Variants in SCEL observed in about 807,000 individuals in gnomAD.
The protein encoded by SCEL is sciellin.
In SCEL, 113 loss-of-function variants were observed where a neutral mutation model predicts 117.6. The observed-to-expected ratio is 0.96, with a 90% CI of 0.83 to 1.12. The LOEUF (loss-of-function observed/expected upper bound fraction) is 1.12, where lower values mean the gene tolerates loss of function less well. SCEL is among the 50% of genes most tolerant of loss of function. The probability of loss-of-function intolerance (pLI) is 0.00; values close to 1 mark genes in which losing one functional copy is unlikely to be tolerated. For synonymous variants in SCEL, 270 were observed against 256.2 expected (o/e 1.05, Z -0.51); for missense variants, 785 against 810.8 (o/e 0.97, Z 0.39).
chr13:77,581,592 A>G (rs775313381), intron 9 of SCEL, among the ~76,000 whole-genome samples: 11 of 152,234 alleles, frequency 7.2e-5, no homozygotes, highest in Non-Finnish European at 1.6e-4. Context: ...CTCTAGGTTC[A>G]AAAGTAGGAT....
At chr13:77,572,801 T>G (rs746313315) in intron 9 of SCEL, among the ~76,000 whole-genome samples, 8 of 152,316 alleles carry the variant, frequency 5.3e-5, no homozygotes, top group Admixed American at 4.6e-4. Context: ...ATGACCCTAT[T>G]TCTAAGCAAG....
At position 77,639,648 on chromosome 13, in the gene SCEL, G is replaced by A. The variant is rs2090467060; in HGVS notation, c.1839-1028G>A. Among the ~76,000 whole-genome samples, 4 of 152,190 alleles carry A rather than the reference G, an allele frequency of 2.6e-5. No individual in the cohort carries two copies. The South Asian group carries it at 8.3e-4, about 32-fold the overall frequency. Reference sequence around the variant, plus strand: ...ATAGTAGCAGGTTTCTTATCCTTCTGTACCTGTTTCTTTTTTAATAAAATG... The same window carrying A: ...ATAGTAGCAGGTTTCTTATCCTTCTATACCTGTTTCTTTTTTAATAAAATG... On this transcript the variant is annotated intron_variant, in intron 30 of 32. Transcript: ENST00000349847.
intron 15 of SCEL, among the ~76,000 whole-genome samples, chr13:77,601,166 G>A (rs978467493): frequency 6.6e-6 from 1 of 150,864 alleles, no homozygotes; most frequent in Non-Finnish European, 1.5e-5. Flanking sequence ...AATAGATGAG[G>A]TTCCAGATAT....
chr13:77,621,468 G>GC (rs1259899274), intron 27 of SCEL, among the ~76,000 whole-genome samples: 4 of 152,104 alleles, frequency 2.6e-5, no homozygotes, highest in Non-Finnish European at 4.4e-5. Flanking sequence ...GCTCTGGGAA[G>GC]CCCCCCTGAC....
intron 28 of SCEL, among the ~76,000 whole-genome samples, 161 bp downstream of exon 28, chr13:77,628,170 G>GTATATATATA (rs67297453): frequency 1.5e-3 from 206 of 139,734 alleles, no homozygotes; most frequent in African/African-American, 4.9e-3. Context: ...ATATGTGTGT[G>GTATATATATA]TATATATATA....
chr13:77,599,875 G>A, intron 15 of SCEL, 127 bp downstream of exon 15: 6 of 687,086 alleles, frequency 8.7e-6, no homozygotes, highest in Admixed American at 2.3e-5. Context: ...TGGGGTCCAG[G>A]GATAGTGTGT....
At chr13:77,612,666 G>A (rs2088747945) in intron 22 of SCEL, among the ~76,000 whole-genome samples, 1 of 150,846 alleles carries the variant, frequency 6.6e-6, no homozygotes, top group Non-Finnish European at 1.5e-5. Flanking sequence ...TCTGCTTTGA[G>A]GTTAACGTGA....
intron 27 of SCEL, 90 bp downstream of exon 27, chr13:77,618,150 C>T: frequency 1.1e-6 from 1 of 919,362 alleles, no homozygotes; most frequent in East Asian, 2.4e-5. Context: ...CCCTCCCTTC[C>T]TCCCTTACTC....
chr13:77,571,924 A>G (rs2085657084), intron 8 of SCEL, among the ~76,000 whole-genome samples, 200 bp from the exon 9 acceptor site: 1 of 152,204 alleles, frequency 6.6e-6, no homozygotes, highest in South Asian at 2.1e-4. Context: ...AAAGGAAATG[A>G]GAAAAGAGGT....
At chr13:77,606,856 G>A (rs967926606) in intron 19 of SCEL, among the ~76,000 whole-genome samples, 1 of 152,048 alleles carries the variant, frequency 6.6e-6, no homozygotes, top group African/African-American at 2.4e-5. Context: ...CCTTCCTGTG[G>A]ATGTTCTTTT....
At chr13:77,592,871 T>A (rs1011196130) in intron 11 of SCEL, among the ~76,000 whole-genome samples, 1 of 152,090 alleles carries the variant, frequency 6.6e-6, no homozygotes, top group Admixed American at 6.5e-5. Context: ...AGCCCACAGT[T>A]CTTAATTACT....
intron 9 of SCEL, among the ~76,000 whole-genome samples, chr13:77,580,409 A>C (rs181652234): frequency 3.9e-5 from 6 of 152,332 alleles, no homozygotes; most frequent in African/African-American, 1.4e-4. Flanking sequence ...ACGTGAGCCA[A>C]TGGAGGGAAT....
At chr13:77,638,659 C>T (rs112748459) in intron 30 of SCEL, among the ~76,000 whole-genome samples, 1 of 152,224 alleles carries the variant, frequency 6.6e-6, no homozygotes, top group South Asian at 2.1e-4. Context: ...GTGAAATTGG[C>T]GATGTTCTTA....
At chr13:77,563,661 A>T (rs1416395350) in intron 4 of SCEL, among the ~76,000 whole-genome samples, 170 bp from the exon 5 acceptor site, 1 of 152,314 alleles carries the variant, frequency 6.6e-6, no homozygotes, top group East Asian at 1.9e-4. Context: ...TCCATAATTT[A>T]TTCTATCCAA....
intron 10 of SCEL, among the ~76,000 whole-genome samples, chr13:77,590,706 A>C (rs941572781): frequency 1.3e-5 from 2 of 152,090 alleles, no homozygotes; most frequent in African/African-American, 4.8e-5. Context: ...GACTACTTTA[A>C]TCACAGCAAG....
chr13:77,586,942 G>A (rs2086599612), intron 9 of SCEL, among the ~76,000 whole-genome samples: 1 of 152,094 alleles, frequency 6.6e-6, no homozygotes, highest in Non-Finnish European at 1.5e-5. Context: ...GTTAATATAT[G>A]TAAAGTGCTT....
intron 5 of SCEL, among the ~76,000 whole-genome samples, chr13:77,565,287 C>T (rs1030565215): frequency 6.6e-6 from 1 of 152,012 alleles, no homozygotes; most frequent in African/African-American, 2.4e-5. Context: ...CTACCCCTCA[C>T]TCCCCAAATT....
intron 10 of SCEL, among the ~76,000 whole-genome samples, 174 bp downstream of exon 10, chr13:77,589,398 T>C (rs567014727): frequency 6.6e-6 from 1 of 152,320 alleles, no homozygotes; most frequent in Admixed American, 6.5e-5. Flanking sequence ...TTATTTATGT[T>C]TGTCTTTGAA....
chr13:77,630,468 A>G (rs1048778767), intron 28 of SCEL, among the ~76,000 whole-genome samples: 2 of 152,130 alleles, frequency 1.3e-5, no homozygotes, highest in African/African-American at 4.8e-5. Flanking sequence ...GTTTTAATTC[A>G]CTATTTTGAT....
Sources: gnomAD v4.1 joint callset for allele counts (sites outside exome capture counted in the v4.1 genomes callset) on GRCh38, gnomAD v4.1.1 for gene constraint, MANE v1.5 for transcripts, NCBI Gene and HGNC (gene_info 2026-07-23, HGNC 2026-07-21) for gene names.